The following TESK2 variants were observed in gnomAD, a reference collection of about 807,000 sequenced individuals.
TESK2 encodes the protein testis associated actin remodelling kinase 2.
A neutral mutation model predicts 57.1 loss-of-function variants in TESK2; 39 were observed. That is an observed-to-expected ratio of 0.68 (90% CI 0.53 to 0.89). The LOEUF (loss-of-function observed/expected upper bound fraction) is 0.89. Among genes scored for constraint, TESK2 ranks in the 40% least tolerant of loss-of-function variants. The pLI is 0.00. For missense variants in TESK2, 646 were observed against 732.1 expected (o/e 0.88, Z 1.36); for synonymous variants, 249 against 267.9 (o/e 0.93, Z 0.69).
chr1:45,446,492 G>T (rs985742790), intron 2 of TESK2, among the ~76,000 whole-genome samples: 4 of 151,798 alleles, frequency 2.6e-5, no homozygotes, highest in African/African-American at 9.7e-5. Context: ...AAATAAAAAA[G>T]AGGAAACATT....
At chr1:45,375,414 T>A (rs1035796175) in intron 4 of TESK2, among the ~76,000 whole-genome samples, 1 of 142,942 alleles carries the variant, frequency 7.0e-6, no homozygotes, top group Non-Finnish European at 1.5e-5. Context: ...CACAGCTAGT[T>A]CCTTCACCCT....
intron 1 of TESK2, among the ~76,000 whole-genome samples, chr1:45,487,262 T>A (rs185886896): frequency 6.6e-6 from 1 of 152,286 alleles, no homozygotes; most frequent in East Asian, 1.9e-4. Context: ...GCATCAAGTA[T>A]CTGAGGATAT....
At chr1:45,479,001 G>C (rs550622692) in intron 1 of TESK2, among the ~76,000 whole-genome samples, 1 of 152,226 alleles carries the variant, frequency 6.6e-6, no homozygotes, top group Admixed American at 6.5e-5. Flanking sequence ...TGGGATTACA[G>C]GGGTGAGCAA....
chr1:45,353,106 C>G (rs529332265), intron 5 of TESK2, among the ~76,000 whole-genome samples: 3 of 152,244 alleles, frequency 2.0e-5, no homozygotes, highest in Admixed American at 6.5e-5. Context: ...CCATGTTGGT[C>G]AGGCTGGTCT....
chr1:45,366,108 CTTAT>C (rs1647904424), intron 4 of TESK2, among the ~76,000 whole-genome samples: 1 of 151,086 alleles, frequency 6.6e-6, no homozygotes, highest in Non-Finnish European at 1.5e-5. Flanking sequence ...CACACTGGCC[CTTAT>C]TTATTTATTT....
intron 3 of TESK2, among the ~76,000 whole-genome samples, chr1:45,411,658 C>T (rs1185551716): frequency 6.6e-6 from 1 of 152,150 alleles, no homozygotes; most frequent in Admixed American, 6.5e-5. Context: ...TTTCCACACC[C>T]CCAATTAATC....
Position 45,441,209 on chromosome 1 carries a change from C to T in TESK2, c.222+16355G>A, listed in dbSNP as rs117042376. Among the ~76,000 whole-genome samples, 435 of 152,048 alleles carry T rather than the reference C, an allele frequency of 2.9e-3. 3 individuals carry two copies. The highest frequency in any genetic ancestry group is 0.017 in the East Asian group (90 of 5,154). On this transcript the variant is annotated intron_variant, in intron 2 of 10. Coordinates refer to ENST00000372086, the MANE Select transcript of TESK2 (RefSeq NM_007170.3). ...TTTTTGAGACAGAGTCTCGCTACAT[C>T]GCCCAGGCTGGAGTGCAATGGCATG...
At chr1:45,349,865 G>C (rs1647206630) in intron 5 of TESK2, among the ~76,000 whole-genome samples, 1 of 152,212 alleles carries the variant, frequency 6.6e-6, no homozygotes, top group South Asian at 2.1e-4. Flanking sequence ...TGTCAAGCTG[G>C]GTGTGATGGC....
At position 45,398,983 on chromosome 1, in the gene TESK2, G is replaced by GAAAAAAAAAAA; in HGVS notation, c.345-13034_345-13024dup. The GAAAAAAAAAAA allele has an allele frequency of 9.8e-5, 23 of 234,522 alleles. 1 individual carries two copies. Among genetic ancestry groups the GAAAAAAAAAAA allele is most frequent in the Middle Eastern group, 1.6e-3 (1 of 644 alleles). The allele number at this position is 234,522 out of a possible 1,614,324, so 14.5% of individuals were successfully genotyped here. ...CCCAACCTCCATTGGACTAGGACCT[G>GAAAAAAAAAAA]AAAAAAAAAAAAAAAAAAAAAAAAC... On this transcript the variant is annotated intron_variant, in intron 3 of 10. Transcript: ENST00000372086.
At chr1:45,355,537 G>A (rs1647384143) in intron 4 of TESK2, 88 bp from the exon 5 acceptor site, 1 of 1,458,000 alleles carries the variant, frequency 6.9e-7, no homozygotes. Flanking sequence ...ACCTGGAAGA[G>A]AGAGACTGTA....
At chr1:45,366,759 T>C (rs1368009827) in intron 4 of TESK2, among the ~76,000 whole-genome samples, 1 of 152,190 alleles carries the variant, frequency 6.6e-6, no homozygotes, top group African/African-American at 2.4e-5. Flanking sequence ...CTCAATTTAA[T>C]CATTAAAATG....
chr1:45,478,721 C>CTTT (rs772741820), intron 1 of TESK2, among the ~76,000 whole-genome samples: 1 of 142,106 alleles, frequency 7.0e-6, no homozygotes, highest in Non-Finnish European at 1.6e-5. Context: ...TGGTTTTTAA[C>CTTT]TTTTTTTTTT....
At chr1:45,378,506 T>C (rs1353128336) in intron 4 of TESK2, among the ~76,000 whole-genome samples, 1 of 152,042 alleles carries the variant, frequency 6.6e-6, no homozygotes, top group Non-Finnish European at 1.5e-5. Flanking sequence ...TGAGACACCA[T>C]GTGGAAAAAG....
chr1:45,436,181 CTTTT>C (rs1170732475), intron 2 of TESK2, among the ~76,000 whole-genome samples: 33 of 56,624 alleles, frequency 5.8e-4, no homozygotes, highest in South Asian at 9.4e-4. Flanking sequence ...TTGGTATCTT[CTTTT>C]TTTTTTTTTT....
intron 5 of TESK2, among the ~76,000 whole-genome samples, chr1:45,353,426 A>G (rs1647288952): frequency 6.6e-6 from 1 of 152,178 alleles, no homozygotes. Flanking sequence ...TGACTCTGCC[A>G]CACACCAAAA....
At chr1:45,359,903 G>A (rs1647605008) in intron 4 of TESK2, among the ~76,000 whole-genome samples, 1 of 151,910 alleles carries the variant, frequency 6.6e-6, no homozygotes, top group South Asian at 2.1e-4. Flanking sequence ...AAAGCGCTTC[G>A]AAAAAAATTT....
At chr1:45,450,767 CT>C (rs143079900) in intron 2 of TESK2, among the ~76,000 whole-genome samples, 3 of 150,688 alleles carry the variant, frequency 2.0e-5, no homozygotes, top group African/African-American at 4.9e-5. Flanking sequence ...ATTTCTTTTT[CT>C]TTTTTTTTAA....
chr1:45,425,871 G>A (rs12046816), intron 2 of TESK2, among the ~76,000 whole-genome samples: 3 of 151,848 alleles, frequency 2.0e-5, no homozygotes, highest in Non-Finnish European at 4.4e-5. Flanking sequence ...TGGGCCGGGT[G>A]CAGTAGCTTA....
Position 45,344,509 on chromosome 1 carries a change from C to T in TESK2, c.*331G>A, listed in dbSNP as rs143041019. 24 of 272,952 alleles carry T rather than the reference C, an allele frequency of 8.8e-5. No homozygotes were observed. The highest frequency in any genetic ancestry group is 1.3e-4 in the Non-Finnish European group (18 of 143,082). The allele number at this position is 272,952 out of a possible 1,614,324, so 16.9% of individuals were successfully genotyped here. ...GACAGACCTGGGGTGGGGAAAGAAC[C>T]GGGGTAATAGCTGCCTGCCAGCTCA... On this transcript the variant is annotated 3_prime_UTR_variant, in exon 11 of 11. Coordinates refer to ENST00000372086, the MANE Select transcript of TESK2 (RefSeq NM_007170.3).
Sources: gnomAD v4.1 joint callset for allele counts (sites outside exome capture counted in the v4.1 genomes callset) on GRCh38, gnomAD v4.1.1 for gene constraint, MANE v1.5 for transcripts, NCBI Gene and HGNC (gene_info 2026-07-23, HGNC 2026-07-21) for gene names.